CRPPA: variants seen among roughly 807,000 people sequenced by gnomAD.
The protein encoded by CRPPA is CDP-L-ribitol pyrophosphorylase A.
Under a neutral mutation model 52.0 loss-of-function variants are expected in CRPPA, and 43 were observed. That is an observed-to-expected ratio of 0.83 (90% confidence interval 0.65 to 1.07). The LOEUF is 1.07. CRPPA is among the 50% of genes least tolerant of loss of function. CRPPA has a pLI of 0.00. For synonymous variants in CRPPA, 250 were observed against 203.5 expected (o/e 1.23, Z -1.94); for missense variants, 629 against 551.7 (o/e 1.14, Z -1.40).
intron 2 of CRPPA, among the ~76,000 whole-genome samples, chr7:16,380,222 G>A (rs1583562218): frequency 6.6e-6 from 1 of 151,336 alleles, no homozygotes; most frequent in African/African-American, 2.4e-5. Context: ...TTTGTCAAAG[G>A]CCTTTTCTGC....
At chr7:16,143,446 A>T (rs1390708372) in intron 9 of CRPPA, among the ~76,000 whole-genome samples, 4 of 152,220 alleles carry the variant, frequency 2.6e-5, no homozygotes, top group African/African-American at 4.8e-5. Flanking sequence ...GGTAAGTAGG[A>T]TAATAAGTAT....
chr7:16,353,790 C>G (rs1295734617), intron 3 of CRPPA, among the ~76,000 whole-genome samples: 1 of 151,862 alleles, frequency 6.6e-6, no homozygotes, highest in Non-Finnish European at 1.5e-5. Context: ...GCACAGGTTG[C>G]AGTGAGCTGA....
At chr7:16,343,478 C>A (rs1044102338) in intron 3 of CRPPA, among the ~76,000 whole-genome samples, 3 of 152,150 alleles carry the variant, frequency 2.0e-5, no homozygotes, top group African/African-American at 7.2e-5. Flanking sequence ...TCCCAGATAA[C>A]TGCCATATTC....
intron 9 of CRPPA, among the ~76,000 whole-genome samples, chr7:16,127,267 A>C (rs1562517406): frequency 6.6e-6 from 1 of 152,124 alleles, no homozygotes; most frequent in Non-Finnish European, 1.5e-5. Context: ...TTTTATCAAG[A>C]GTTTCCCTTA....
chr7:16,104,903 GAAAAAAAA>G (rs541325740), intron 9 of CRPPA, among the ~76,000 whole-genome samples: 1 of 106,848 alleles, frequency 9.4e-6, no homozygotes, highest in Non-Finnish European at 2.2e-5. Context: ...CCATCTCAAA[GAAAAAAAA>G]AAAAGAAAAA....
intron 9 of CRPPA, among the ~76,000 whole-genome samples, chr7:16,206,176 TCC>T (rs951341129): frequency 3.9e-5 from 6 of 152,090 alleles, no homozygotes; most frequent in African/African-American, 1.4e-4. Context: ...CAGAAGCATA[TCC>T]CCAGTGGAGG....
intron 9 of CRPPA, among the ~76,000 whole-genome samples, chr7:16,164,139 G>A (rs1417363214): frequency 6.6e-6 from 1 of 152,102 alleles, no homozygotes; most frequent in Non-Finnish European, 1.5e-5. Context: ...TCACTTTCAG[G>A]TACACCAATC....
chr7:16,354,307 G>C (rs190130497), intron 3 of CRPPA, among the ~76,000 whole-genome samples: 1 of 152,012 alleles, frequency 6.6e-6, no homozygotes, highest in African/African-American at 2.4e-5. Context: ...CTTTTATCAC[G>C]TTATTCTGCT....
chr7:16,286,194 G>A (rs1784445258), intron 5 of CRPPA, among the ~76,000 whole-genome samples: 1 of 147,498 alleles, frequency 6.8e-6, no homozygotes, highest in African/African-American at 2.5e-5. Context: ...CTGGACCACA[G>A]GGTGCCCAGA....
chr7:16,393,359 G>A lies in CRPPA; in HGVS notation c.534+12702C>T, dbSNP rs571637690. Among the ~76,000 whole-genome samples the A allele has an allele frequency of 3.3e-5, 5 of 152,236 alleles. No individual in the cohort carries two copies. The South Asian group carries it at 1.0e-3, about 32-fold the overall frequency. ...TAGCAGTATGAAAAGTTATTAGAGA[G>A]CTGTCTCAATAGTGACTAAGACAGG... On this transcript the variant is annotated intron_variant, in intron 2 of 9. Coordinates refer to ENST00000407010, the MANE Select transcript of CRPPA (RefSeq NM_001101426.4).
chr7:16,229,415 C>T (rs968910322), intron 8 of CRPPA, among the ~76,000 whole-genome samples: 8 of 151,666 alleles, frequency 5.3e-5, no homozygotes, highest in African/African-American at 1.9e-4. Context: ...TTTTTAATTT[C>T]TTGCTTTTTA....
In CRPPA at chr7:16,421,271, G is replaced by A. The variant is rs886043287; in HGVS notation, c.52C>T (p.Leu18=). Reference sequence around the variant, plus strand: ...TGGTCCGCGCCGCGCTGACCACTCAGGCAAGGACCCGGCTCCGCCGGCCTG... The same window carrying A: ...TGGTCCGCGCCGCGCTGACCACTCAAGCAAGGACCCGGCTCCGCCGGCCTG... The part of the protein sequence containing the change: ...SARPAEPGPC[L]SGQRGADHTA... The change falls in exon 1 of 10, where the codon CTG becomes TTG. Residue 18 remains leucine (L), a synonymous_variant. Transcript: ENST00000407010. 4.6e-6 allele frequency: 6 copies of A among 1,291,170 alleles called. No homozygotes were observed. The highest frequency in any genetic ancestry group is 4.1e-5 in the Admixed American group (1 of 24,620). The allele number at this position is 1,291,170 out of a possible 1,614,324, so 80.0% of individuals were successfully genotyped here. A position where few individuals can be genotyped will look rare whatever the true frequency, so the allele number is the denominator to read the frequency against.
intron 1 of CRPPA, among the ~76,000 whole-genome samples, chr7:16,411,204 C>T (rs1348614321): frequency 6.6e-6 from 1 of 152,196 alleles, no homozygotes; most frequent in Non-Finnish European, 1.5e-5. Flanking sequence ...TTATCATCAT[C>T]TCAGCTTTAC....
chr7:16,416,707 T>C (rs1788204036), intron 1 of CRPPA, among the ~76,000 whole-genome samples: 1 of 151,442 alleles, frequency 6.6e-6, no homozygotes, highest in Non-Finnish European at 1.5e-5. Context: ...CTGGGCATGG[T>C]GGCACGTGAC....
At chr7:16,168,441 G>C (rs963624730) in intron 9 of CRPPA, among the ~76,000 whole-genome samples, 3 of 151,704 alleles carry the variant, frequency 2.0e-5, no homozygotes, top group African/African-American at 7.3e-5. Context: ...TAAATTTATA[G>C]TCCATATTTT....
rs913864323 is a variant in CRPPA, at chr7:16,230,127, G to A, written c.1120-13930C>T. Among the ~76,000 whole-genome samples, 3 of 151,828 alleles carry A rather than the reference G, an allele frequency of 2.0e-5. No individual in the cohort carries two copies. The South Asian group carries it at 6.2e-4, about 32-fold the overall frequency. ...TATGTCTTGGAGAGTCACCTTATTT[G>A]GTTTAAATTTGATTGGAGACCTTTG... is the stretch of plus-strand genomic sequence containing the variant. On this transcript the variant is annotated intron_variant, in intron 8 of 9. Transcript: ENST00000407010.
intron 9 of CRPPA, among the ~76,000 whole-genome samples, chr7:16,171,237 C>T (rs752566085): frequency 3.3e-5 from 5 of 152,212 alleles, no homozygotes; most frequent in African/African-American, 4.8e-5. Context: ...GTTTCTCCAA[C>T]CTTTTATGTA....
chr7:16,324,023 GAGA>G (rs1244578424), intron 3 of CRPPA, among the ~76,000 whole-genome samples: 1 of 152,244 alleles, frequency 6.6e-6, no homozygotes, highest in Admixed American at 6.5e-5. Flanking sequence ...GGAGGAAGCA[GAGA>G]AGATGTCCAT....
chr7:16,273,192 G>C (rs1319815559), intron 6 of CRPPA, among the ~76,000 whole-genome samples: 1 of 146,418 alleles, frequency 6.8e-6, no homozygotes, highest in Non-Finnish European at 1.5e-5. Flanking sequence ...GGAAATCCCG[G>C]GTAGAAGAGG....
Sources: allele counts gnomAD v4.1 joint callset (sites outside exome capture counted in the v4.1 genomes callset), GRCh38; gene constraint gnomAD v4.1.1; transcripts MANE v1.5; gene names NCBI Gene and HGNC (gene_info 2026-07-23, HGNC 2026-07-21).